PDE5A: variants seen among roughly 807,000 people sequenced by gnomAD.
PDE5A encodes the protein cGMP-specific 3',5'-cyclic phosphodiesterase.
PDE5A carries 67 observed loss-of-function variants against 110.2 expected under a neutral mutation model. The observed-to-expected ratio is 0.61, with a 90% CI of 0.50 to 0.75. PDE5A has a LOEUF of 0.75. PDE5A is among the 30% of genes least tolerant of loss of function. PDE5A has a pLI of 0.00. For synonymous variants in PDE5A, 328 were observed against 351.2 expected, an observed-to-expected ratio of 0.93 and a Z score of 0.74; for missense variants, 862 against 1,045.1, an observed-to-expected ratio of 0.82 and a Z score of 2.42.
intron 1 of PDE5A, among the ~76,000 whole-genome samples, chr4:119,613,006 G>A (rs991495078): frequency 6.6e-6 from 1 of 152,166 alleles, no homozygotes; most frequent in African/African-American, 2.4e-5. Context: ...TACTCACAAA[G>A]AGAATATTAG....
Position 119,504,453 on chromosome 4 carries a change from T to C in PDE5A, c.2331+83A>G, listed in dbSNP as rs1373385056. 5.0e-6 allele frequency: 5 copies of C among 997,932 alleles called. No individual in the cohort carries two copies. In the Admixed American group the frequency reaches 8.4e-5, roughly 17 times the overall value. The allele number at this position is 997,932 out of a possible 1,614,324, so 61.8% of individuals were successfully genotyped here. On this transcript the variant is annotated intron_variant, in intron 18 of 20. Transcript: ENST00000354960. ...TTTTATATAGTCATTTATTTTTCTT[T>C]AGGTAGATACCTAGTAGTGGGATTG...
intron 1 of PDE5A, among the ~76,000 whole-genome samples, chr4:119,614,613 G>A (rs887197080): frequency 1.3e-5 from 2 of 152,132 alleles, no homozygotes; most frequent in Non-Finnish European, 2.9e-5. Flanking sequence ...AAAGCACTTG[G>A]ATTCATAACT....
chr4:119,605,941 A>G (rs1157592528), intron 2 of PDE5A, among the ~76,000 whole-genome samples: 1 of 152,134 alleles, frequency 6.6e-6, no homozygotes, highest in African/African-American at 2.4e-5. Flanking sequence ...CAATTGTTCT[A>G]TCAAGATGCT....
intron 3 of PDE5A, among the ~76,000 whole-genome samples, chr4:119,577,379 A>T (rs1728396455): frequency 6.6e-6 from 1 of 152,172 alleles, no homozygotes; most frequent in Admixed American, 6.5e-5. Context: ...CAGAGACACC[A>T]CAAAAAAAGA....
chr4:119,498,413 T>C lies in PDE5A; in HGVS notation c.*188A>G, dbSNP rs1484558623. On this transcript the variant is annotated 3_prime_UTR_variant, in exon 21 of 21. Transcript: ENST00000354960. ...TCAGTTCAGTAGCATAAAACAAATA[T>C]ACAAAAAATATGTAATAGTCCTCTA... 1.0e-5 allele frequency: 6 copies of C among 579,738 alleles called. No homozygotes were observed. Among genetic ancestry groups the C allele is most frequent in the South Asian group, 7.6e-5 (3 of 39,606 alleles). 35.9% of individuals were successfully genotyped at this position (579,738 alleles called of 1,614,324 possible). A position where few individuals can be genotyped will look rare whatever the true frequency, so the allele number is the denominator to read the frequency against.
intron 1 of PDE5A, among the ~76,000 whole-genome samples, chr4:119,617,447 G>A (rs1253935437): frequency 6.6e-6 from 1 of 152,166 alleles, no homozygotes; most frequent in African/African-American, 2.4e-5. Context: ...TACCAAAGTG[G>A]AACTGCTCAC....
chr4:119,529,228 T>G (rs1726441696), intron 11 of PDE5A, among the ~76,000 whole-genome samples: 1 of 152,120 alleles, frequency 6.6e-6, no homozygotes. Context: ...CAGGCCTCTT[T>G]GTTTCTTCTC....
intron 3 of PDE5A, among the ~76,000 whole-genome samples, chr4:119,589,326 T>C (rs1390664432): frequency 6.6e-6 from 1 of 151,956 alleles, no homozygotes; most frequent in African/African-American, 2.4e-5. Context: ...TTAGGGTTGG[T>C]TATATCAGTG....
chr4:119,605,612 A>AGTGAGT, intron 2 of PDE5A, among the ~76,000 whole-genome samples: 1 of 151,794 alleles, frequency 6.6e-6, no homozygotes, highest in Non-Finnish European at 1.5e-5. Flanking sequence ...GCGTTACTGC[A>AGTGAGT]CTCCAGCCTG....
At chr4:119,617,658 C>T (rs927443082) in intron 1 of PDE5A, among the ~76,000 whole-genome samples, 2 of 152,052 alleles carry the variant, frequency 1.3e-5, no homozygotes, top group African/African-American at 2.4e-5. Context: ...ATAACCCTCA[C>T]GAGTTAAAAG....
At chr4:119,605,217 T>C (rs935715477) in intron 2 of PDE5A, among the ~76,000 whole-genome samples, 3 of 152,174 alleles carry the variant, frequency 2.0e-5, no homozygotes, top group Non-Finnish European at 4.4e-5. Context: ...CAGATTCTTA[T>C]CCACACACTT....
In PDE5A at chr4:119,495,673, T is replaced by C. The variant is rs1413508134; in HGVS notation, c.*2928A>G. On this transcript the variant is annotated 3_prime_UTR_variant, in exon 21 of 21. Coordinates refer to ENST00000354960, the MANE Select transcript of PDE5A (RefSeq NM_001083.4). ...TATACTTTCTTATCTCTAATACTCC[T>C]ATTAAAGGAAACTATTATTCAAAAT... 1 of 152,594 alleles carries C rather than the reference T, an allele frequency of 6.6e-6. No homozygotes were observed. The highest frequency in any genetic ancestry group is 2.4e-5 in the African/African-American group (1 of 41,460). 9.5% of individuals were successfully genotyped at this position (152,594 alleles called of 1,614,324 possible).
chr4:119,546,956 G>A (rs1727149604), intron 9 of PDE5A, among the ~76,000 whole-genome samples: 1 of 151,646 alleles, frequency 6.6e-6, no homozygotes, highest in Non-Finnish European at 1.5e-5. Flanking sequence ...TTACTAGACA[G>A]GTACTTTCAG....
intron 11 of PDE5A, among the ~76,000 whole-genome samples, chr4:119,537,390 G>A (rs1045890208): frequency 6.6e-6 from 1 of 151,980 alleles, no homozygotes; most frequent in Non-Finnish European, 1.5e-5. Context: ...CGAATCCACA[G>A]CAGCTTTTTC....
At position 119,626,128 on chromosome 4, in the gene PDE5A, T is replaced by G. The variant is rs140596582; in HGVS notation, c.152+2392A>C. ...TGTTCAGCCTGTTGCCAACATCAAC[T>G]GTAATTTAAAAACTCTAACCGAAAA... On this transcript the variant is annotated intron_variant, in intron 1 of 20. Transcript: ENST00000354960. Among the ~76,000 whole-genome samples, 488 of 152,326 alleles carry G rather than the reference T, an allele frequency of 3.2e-3. 5 individuals carry two copies. Among genetic ancestry groups the G allele is most frequent in the Non-Finnish European group, 9.1e-4 (62 of 68,034 alleles).
chr4:119,538,795 TA>T, intron 11 of PDE5A, 164 bp downstream of exon 11: 1 of 659,242 alleles, frequency 1.5e-6, no homozygotes, highest in Non-Finnish European at 2.7e-6. Flanking sequence ...ACAGTCAGTA[TA>T]AGTTATTTAA....
chr4:119,503,307 C>T (rs371665478), intron 18 of PDE5A, among the ~76,000 whole-genome samples: 3 of 152,224 alleles, frequency 2.0e-5, no homozygotes, highest in African/African-American at 7.2e-5. Context: ...ATATATATGT[C>T]ACTGCATGGA....
intron 12 of PDE5A, among the ~76,000 whole-genome samples, chr4:119,522,255 C>A (rs1726154070): frequency 1.3e-5 from 2 of 152,002 alleles, no homozygotes; most frequent in South Asian, 4.1e-4. Context: ...TTGCCATATT[C>A]CAAGCGGAGG....
chr4:119,551,834 GT>G (rs1463649200), intron 9 of PDE5A: 2 of 152,072 alleles, frequency 1.3e-5, no homozygotes, highest in Non-Finnish European at 2.9e-5. Context: ...CTCCATTAGG[GT>G]TTTAATTCTA....
Sources: gnomAD v4.1 joint callset for allele counts (sites outside exome capture counted in the v4.1 genomes callset) on GRCh38, gnomAD v4.1.1 for gene constraint, MANE v1.5 for transcripts, NCBI Gene and HGNC (gene_info 2026-07-23, HGNC 2026-07-21) for gene names.